Variants in DNAH5 observed in about 807,000 individuals in gnomAD.
DNAH5 encodes axonemal beta dynein heavy chain 5.
Under a neutral mutation model 518.2 loss-of-function variants are expected in DNAH5, and 372 were observed. The observed-to-expected ratio is 0.72, with a 90% CI of 0.66 to 0.78. DNAH5 has a LOEUF of 0.78. Ranked by LOEUF, DNAH5 falls within the 30% of genes least tolerant of loss-of-function variation. DNAH5 has a pLI of 0.00. For missense variants in DNAH5, 5,523 were observed against 5,687.0 expected (o/e 0.97, Z 0.93); for synonymous variants, 2,039 against 2,025.9 (o/e 1.01, Z -0.17).
chr5:13,987,159 CT>C (rs1294060764), intron 1 of DNAH5, among the ~76,000 whole-genome samples: 2 of 152,074 alleles, frequency 1.3e-5, no homozygotes, highest in Admixed American at 6.6e-5. Flanking sequence ...ATTCTCCCTC[CT>C]CCCCTGCTTC....
intron 68 of DNAH5, among the ~76,000 whole-genome samples, chr5:13,734,297 G>A (rs1030890659): frequency 6.6e-6 from 1 of 152,152 alleles, no homozygotes; most frequent in African/African-American, 2.4e-5. Flanking sequence ...AAAAATAAAT[G>A]TCTGTTGTTT....
At chr5:13,778,596 A>AAGAAAGAAAGAAAGAGAGAG (rs768853052) in intron 53 of DNAH5, among the ~76,000 whole-genome samples, 6 of 102,230 alleles carry the variant, frequency 5.9e-5, no homozygotes, top group African/African-American at 1.5e-4. Flanking sequence ...GAAAGAAAGA[A>AAGAAAGAAAGAAAGAGAGAG]AGAGAGAGAG....
chr5:13,927,575 T>C (rs1778018548), intron 3 of DNAH5, among the ~76,000 whole-genome samples: 1 of 152,114 alleles, frequency 6.6e-6, no homozygotes, highest in Non-Finnish European at 1.5e-5. Flanking sequence ...ATGAGAATGA[T>C]GAAACCTGTC....
intron 1 of DNAH5, among the ~76,000 whole-genome samples, chr5:13,999,636 C>T (rs541265066): frequency 8.5e-5 from 13 of 152,318 alleles, no homozygotes; most frequent in African/African-American, 3.1e-4. Context: ...ATTGTAAATA[C>T]TGCTGCAATA....
chr5:13,792,167 C>A lies in DNAH5; in HGVS notation c.8275G>T (p.Val2759Leu). The change falls in exon 50 of 79, where the codon GTG (valine) becomes TTG (leucine). Residue 2759 changes from valine (V) to leucine (L), a missense_variant. Physicochemically the swap from Val to Leu is conservative, Grantham distance 32. This residue lies in a region of DNAH5 where 5,121 missense variants were observed against 5,223.3 expected (regional missense o/e 0.98). Coordinates refer to ENST00000265104, the MANE Select transcript of DNAH5 (RefSeq NM_001369.3). ...ACCAATTTTGTCACAGAATCTCTCA[C>A]TTCTTCTGAGAAACCCCTCTGAGTA... ...YCTQRGFSEE[V>L]RDSVTKLVPL... The A allele has an allele frequency of 1.9e-6, 3 of 1,614,018 alleles. No individual in the cohort carries two copies. Among genetic ancestry groups the A allele is most frequent in the Non-Finnish European group, 2.5e-6 (3 of 1,179,958 alleles).
Position 13,913,811 on chromosome 5 carries a change from G to A in DNAH5, c.1468C>T (p.Leu490Phe). 2 of 1,613,582 alleles carry A rather than the reference G, an allele frequency of 1.2e-6. No individual in the cohort carries two copies. The highest frequency in any genetic ancestry group is 1.3e-5 in the African/African-American group (1 of 75,002). Reference protein sequence around the residue: ...LAKIIDIFTTLKTYSVLQDST... With the variant: ...LAKIIDIFTTFKTYSVLQDST... ...TCTTGCAGGACTGAATACGTCTTGAGGGTTGTAAAGATGTCTATTATCTTG... is the reference window on the plus strand; with the variant it reads ...TCTTGCAGGACTGAATACGTCTTGAAGGTTGTAAAGATGTCTATTATCTTG... Residue 490 changes from leucine to phenylalanine, a missense_variant, in exon 11 of 79, where the codon CTC becomes TTC. By Grantham distance (22) the Leu-to-Phe change is conservative. This residue lies in a region of DNAH5 where 5,121 missense variants were observed against 5,223.3 expected (regional missense o/e 0.98). Transcript: ENST00000265104.
At chr5:13,733,157 A>G (rs540746665) in intron 68 of DNAH5, among the ~76,000 whole-genome samples, 1 of 152,336 alleles carries the variant, frequency 6.6e-6, no homozygotes, top group East Asian at 1.9e-4. Context: ...CCTACTATGT[A>G]GATTTTACTA....
chr5:13,690,785 T>A lies in DNAH5; in HGVS notation c.*1199A>T, dbSNP rs774618684. ...AATACGTGAAAAGTTCCTTTGATAA[T>A]GTTTCCTAATTAATAAAAGTCCATA... On this transcript the variant is annotated 3_prime_UTR_variant, in exon 79 of 79. Coordinates refer to ENST00000265104, the MANE Select transcript of DNAH5 (RefSeq NM_001369.3). The A allele has an allele frequency of 1.3e-5, 2 of 152,244 alleles. No homozygotes were observed. Among genetic ancestry groups the A allele is most frequent in the Non-Finnish European group, 2.9e-5 (2 of 68,044 alleles). 9.4% of individuals were successfully genotyped at this position (152,244 alleles called of 1,614,324 possible).
intron 3 of DNAH5, among the ~76,000 whole-genome samples, chr5:13,926,808 T>TCC (rs1348174188): frequency 6.6e-6 from 1 of 152,236 alleles, no homozygotes; most frequent in African/African-American, 2.4e-5. Flanking sequence ...CATCCAGTGC[T>TCC]CCGTTCATGG....
At chr5:13,824,420 A>G in intron 38 of DNAH5, 87 bp from the exon 39 acceptor site, 2 of 1,296,482 alleles carry the variant, frequency 1.5e-6, no homozygotes, top group Non-Finnish European at 2.2e-6. Flanking sequence ...TATATTCACA[A>G]TAATGAATAA....
intron 78 of DNAH5, among the ~76,000 whole-genome samples, chr5:13,699,027 G>A (rs887125650): frequency 6.6e-6 from 1 of 152,154 alleles, no homozygotes; most frequent in Non-Finnish European, 1.5e-5. Flanking sequence ...ACGAGAATGG[G>A]AAGCCTGTTT....
At chr5:13,714,980 T>C (rs1744099899) in intron 74 of DNAH5, among the ~76,000 whole-genome samples, 1 of 152,198 alleles carries the variant, frequency 6.6e-6, no homozygotes, top group African/African-American at 2.4e-5. Context: ...CAATGTTGTA[T>C]AACTAATGGT....
At chr5:13,992,204 T>A (rs1340206941) in intron 1 of DNAH5, among the ~76,000 whole-genome samples, 1 of 152,234 alleles carries the variant, frequency 6.6e-6, no homozygotes, top group African/African-American at 2.4e-5. Context: ...ATGCCAAGTC[T>A]TGTTCTTCAA....
chr5:13,724,756 T>G (rs967205323), intron 70 of DNAH5, among the ~76,000 whole-genome samples: 1 of 152,094 alleles, frequency 6.6e-6, no homozygotes, highest in Non-Finnish European at 1.5e-5. Flanking sequence ...TGTTTAAAAG[T>G]ATGCAGCATC....
In DNAH5 at chr5:13,707,686, AT is replaced by A. The variant is rs138748511; in HGVS notation, c.13338+436del. ...TTCGACAGCATGTAGCAGAAACTTT[AT>A]TTTTTTTTTCCTTTTGGTGTGACTT... On this transcript the variant is annotated intron_variant, in intron 76 of 78. Transcript: ENST00000265104. This position sits in a 1 kb window ranked among gnomAD's most constrained non-coding sequence, Gnocchi z 4.0. Among the ~76,000 whole-genome samples the A allele has an allele frequency of 2.2e-4, 32 of 148,670 alleles. No homozygotes were observed. The highest frequency in any genetic ancestry group is 4.7e-4 in the African/African-American group (19 of 40,438).
intron 1 of DNAH5, among the ~76,000 whole-genome samples, chr5:14,004,723 C>T (rs1247045239): frequency 6.6e-6 from 1 of 152,202 alleles, no homozygotes; most frequent in East Asian, 1.9e-4. Context: ...AGCAGGCCTT[C>T]AGAAATTATG....
intron 21 of DNAH5, among the ~76,000 whole-genome samples, chr5:13,877,123 T>G (rs1418543925): frequency 6.6e-6 from 1 of 152,128 alleles, no homozygotes; most frequent in Non-Finnish European, 1.5e-5. Flanking sequence ...AGGGTAGCCT[T>G]GAAAAACAGC....
chr5:13,727,370 C>A, intron 70 of DNAH5, 137 bp downstream of exon 70: 1 of 828,572 alleles, frequency 1.2e-6, no homozygotes, highest in Non-Finnish European at 1.9e-6. Context: ...ATTTTTCACA[C>A]ATATTGCTAG....
intron 35 of DNAH5, among the ~76,000 whole-genome samples, chr5:13,833,143 A>AAAAAAAAT (rs1763910166): frequency 8.2e-6 from 1 of 122,260 alleles, no homozygotes; most frequent in Admixed American, 8.1e-5. Flanking sequence ...AAAAAAAAAA[A>AAAAAAAAT]GAATGTGTTA....
Sources: gnomAD v4.1 joint callset for allele counts (sites outside exome capture counted in the v4.1 genomes callset) on GRCh38, gnomAD v4.1.1 for gene constraint, gnomAD v4.1.1 regional missense constraint, Gnocchi (gnomAD v3.1) non-coding constraint, MANE v1.5 for transcripts, NCBI Gene and HGNC (gene_info 2026-07-23, HGNC 2026-07-21) for gene names.